The following RNF150 variants were observed in gnomAD, a reference collection of about 807,000 sequenced individuals.
RNF150 encodes the protein ring finger protein 150.
In RNF150, 24 loss-of-function variants were observed where a neutral mutation model predicts 39.3. That is an observed-to-expected ratio of 0.61 (90% CI 0.44 to 0.86). RNF150 has a LOEUF of 0.86. Among genes scored for constraint, RNF150 ranks in the 40% least tolerant of loss-of-function variants. RNF150 has a pLI of 0.00. For missense variants in RNF150, 502 were observed against 587.8 expected (o/e 0.85, Z 1.51); for synonymous variants, 255 against 227.3 (o/e 1.12, Z -1.10).
At chr4:141,051,912 C>T (rs1578672744) in intron 1 of RNF150, among the ~76,000 whole-genome samples, 1 of 152,132 alleles carries the variant, frequency 6.6e-6, no homozygotes, top group East Asian at 1.9e-4. Context: ...CTGATAAAGA[C>T]ATACCTGAGG....
chr4:141,184,615 C>G (rs943073195), intron 1 of RNF150, among the ~76,000 whole-genome samples: 1 of 152,134 alleles, frequency 6.6e-6, no homozygotes, highest in South Asian at 2.1e-4. Context: ...AAGTTTTCCT[C>G]TAGGGTTTTT....
At position 141,022,930 on chromosome 4, in the gene RNF150, T is replaced by C. The variant is rs1735552927; in HGVS notation, c.485-55057A>G. Among the ~76,000 whole-genome samples, 3 of 152,292 alleles carry C rather than the reference T, an allele frequency of 2.0e-5. 1 individual carries two copies. The South Asian group carries it at 6.2e-4, about 32-fold the overall frequency. ...ACTACTTTCCATCTAAATTTGCCAC[T>C]CTGCAGTGAGCTAAATTCTATTTTT... On this transcript the variant is annotated intron_variant, in intron 1 of 6. Transcript: ENST00000515673.
intron 1 of RNF150, among the ~76,000 whole-genome samples, chr4:141,063,042 C>T (rs1184888839): frequency 2.0e-5 from 3 of 152,152 alleles, no homozygotes; most frequent in Non-Finnish European, 4.4e-5. Flanking sequence ...AACAACATGA[C>T]ATCTAGCCAG....
chr4:140,990,233 G>C (rs1221971957), intron 1 of RNF150, among the ~76,000 whole-genome samples: 1 of 152,104 alleles, frequency 6.6e-6, no homozygotes, highest in Non-Finnish European at 1.5e-5. Flanking sequence ...TCATTGTCTG[G>C]TCCTAATGGT....
intron 1 of RNF150, among the ~76,000 whole-genome samples, chr4:141,100,460 C>T (rs986922840): frequency 6.6e-6 from 1 of 152,198 alleles, no homozygotes; most frequent in Admixed American, 6.5e-5. Context: ...AAGTACTGTA[C>T]ATCTACTACT....
At chr4:141,116,506 A>T (rs1739554710) in intron 1 of RNF150, among the ~76,000 whole-genome samples, 1 of 152,196 alleles carries the variant, frequency 6.6e-6, no homozygotes, top group South Asian at 2.1e-4. Context: ...GCTGGAGAGG[A>T]TGTGGAGAAA....
chr4:141,128,716 T>TA (rs531353145), intron 1 of RNF150, among the ~76,000 whole-genome samples: 4 of 151,150 alleles, frequency 2.6e-5, no homozygotes, highest in Admixed American at 6.6e-5. Context: ...TCCATAGACT[T>TA]AAAAAAAAAG....
At chr4:141,162,615 C>T (rs150374123) in intron 1 of RNF150, among the ~76,000 whole-genome samples, 139 of 151,994 alleles carry the variant, frequency 9.1e-4, no homozygotes, top group African/African-American at 3.2e-3. Context: ...AAGGCTCATC[C>T]CATTGGGACT....
intron 1 of RNF150, among the ~76,000 whole-genome samples, chr4:141,118,770 T>C (rs760264166): frequency 4.6e-5 from 7 of 152,140 alleles, no homozygotes; most frequent in Admixed American, 1.3e-4. Context: ...GAGTGATTGA[T>C]TGATTTTTGA....
intron 1 of RNF150, among the ~76,000 whole-genome samples, chr4:141,138,667 C>A (rs1228810409): frequency 6.6e-6 from 1 of 152,084 alleles, no homozygotes; most frequent in Non-Finnish European, 1.5e-5. Context: ...ACATTTGGCA[C>A]CAGGACATTT....
chr4:141,059,603 T>C (rs1737132113), intron 1 of RNF150, among the ~76,000 whole-genome samples: 2 of 152,134 alleles, frequency 1.3e-5, no homozygotes, highest in African/African-American at 4.8e-5. Context: ...AAACCTTGTA[T>C]TGAGTATCAT....
intron 6 of RNF150, among the ~76,000 whole-genome samples, chr4:140,872,263 CCTT>C (rs1449721659): frequency 6.6e-6 from 1 of 152,216 alleles, no homozygotes; most frequent in Non-Finnish European, 1.5e-5. Flanking sequence ...GAATTTGCCT[CCTT>C]CTCTGCAAAA....
intron 1 of RNF150, among the ~76,000 whole-genome samples, chr4:140,998,311 G>T (rs2111494218): frequency 6.6e-6 from 1 of 152,122 alleles, no homozygotes; most frequent in East Asian, 1.9e-4. Context: ...AGTCATAAGG[G>T]TGAGGCCCTA....
chr4:141,159,973 G>C (rs1316168046), intron 1 of RNF150, among the ~76,000 whole-genome samples: 6 of 151,536 alleles, frequency 4.0e-5, no homozygotes, highest in African/African-American at 9.7e-5. Context: ...TGATAATTTT[G>C]CAAGAATCCT....
chr4:140,951,051 T>C (rs1732520558), intron 2 of RNF150, among the ~76,000 whole-genome samples: 1 of 152,124 alleles, frequency 6.6e-6, no homozygotes, highest in Non-Finnish European at 1.5e-5. Context: ...AACTTTCCTC[T>C]CCTCTTCTTC....
intron 1 of RNF150, among the ~76,000 whole-genome samples, chr4:141,204,621 A>G (rs1195078035): frequency 6.6e-6 from 1 of 152,154 alleles, no homozygotes; most frequent in Non-Finnish European, 1.5e-5. Context: ...AACTGAGGTT[A>G]TTGTCAGGGG....
Position 140,862,661 on chromosome 4 carries a change from G to C in RNF150, c.*5600C>G, listed in dbSNP as rs1728536942. ...AAGGAGGGAAAAGGAAGAGCTAAGG[G>C]ATGATGAGAAACTCATATTAGCTTC... is the stretch of plus-strand genomic sequence containing the variant. On this transcript the variant is annotated 3_prime_UTR_variant, in exon 7 of 7. Coordinates refer to ENST00000515673, the MANE Select transcript of RNF150 (RefSeq NM_020724.2). 1 of 152,120 alleles carries C rather than the reference G, an allele frequency of 6.6e-6. No homozygotes were observed. Among genetic ancestry groups the C allele is most frequent in the Admixed American group, 6.6e-5 (1 of 15,264 alleles). 9.4% of individuals were successfully genotyped at this position (152,120 alleles called of 1,614,324 possible). A position where few individuals can be genotyped will look rare whatever the true frequency, so the allele number is the denominator to read the frequency against.
intron 1 of RNF150, among the ~76,000 whole-genome samples, chr4:141,179,791 GC>G (rs1727874987): frequency 6.6e-6 from 1 of 152,066 alleles, no homozygotes; most frequent in African/African-American, 2.4e-5. Context: ...TTACTGTGGA[GC>G]CAGAAGATCT....
upstream of RNF150, among the ~76,000 whole-genome samples, chr4:141,133,667 C>T (rs1001503458): frequency 3.3e-5 from 5 of 152,062 alleles, no homozygotes; most frequent in Non-Finnish European, 5.9e-5. Flanking sequence ...GACCCCTCGA[C>T]CTTTGAGTAC....
Sources: allele counts gnomAD v4.1 joint callset (sites outside exome capture counted in the v4.1 genomes callset), GRCh38; gene constraint gnomAD v4.1.1; transcripts MANE v1.5; gene names NCBI Gene and HGNC (gene_info 2026-07-23, HGNC 2026-07-21).